RP1: variants seen among roughly 807,000 people sequenced by gnomAD.
RP1 encodes RP1 axonemal microtubule associated.
A neutral mutation model predicts 14.8 loss-of-function variants in RP1; 16 were observed. That is an observed-to-expected ratio of 1.08 (90% CI 0.73 to 1.65). RP1 has a LOEUF of 1.65. RP1 is among the 40% of genes most tolerant of loss of function. The pLI is 0.00. For synonymous variants in RP1, 876 were observed against 883.6 expected (o/e 0.99, Z 0.15); for missense variants, 2,631 against 2,535.0 (o/e 1.04, Z -0.81).
At chr8:54,568,865 A>G (rs1281380556) in intron 1 of RP1, among the ~76,000 whole-genome samples, 3 of 152,236 alleles carry the variant, frequency 2.0e-5, no homozygotes, top group Non-Finnish European at 4.4e-5. Context: ...GGCATTATAA[A>G]TGGTTCCACC....
At chr8:54,663,807 A>G in exon 7 of RP1, 1 of 1,533,766 alleles carries the variant, frequency 6.5e-7, no homozygotes, top group Non-Finnish European at 8.7e-7. Flanking sequence ...GGATCCAGAC[A>G]ACTATTTAGA....
chr8:54,869,627 C>T (rs1237640613), intron 28 of RP1, among the ~76,000 whole-genome samples: 2 of 152,116 alleles, frequency 1.3e-5, no homozygotes, highest in Admixed American at 1.3e-4. Flanking sequence ...TAGAGTGAAC[C>T]AATATGACTT....
rs189145468 is a variant in RP1, at chr8:54,624,794, G to T, written c.912G>T (p.Lys304Asn). Residue 304 changes from lysine to asparagine, a missense_variant, in exon 4 of 4, where the codon AAG becomes AAT. By Grantham distance (94) the Lys-to-Asn change is moderately conservative. Coordinates refer to ENST00000220676, the MANE Select transcript of RP1 (RefSeq NM_006269.2). ...FVPEKYLALE[K>N]NDSQNLPIYP... ...CTGAAAAGTACTTGGCCTTAGAAAA[G>T]AATGATTCTCAGAATTTACCAATAT... is the stretch of plus-strand genomic sequence containing the variant. The T allele has an allele frequency of 4.8e-5, 77 of 1,613,986 alleles. No individual in the cohort carries two copies. The African/African-American group carries it at 8.8e-4, about 18-fold the overall frequency.
chr8:54,711,879 G>T (rs1476916861), intron 15 of RP1, among the ~76,000 whole-genome samples: 1 of 152,046 alleles, frequency 6.6e-6, no homozygotes, highest in African/African-American at 2.4e-5. Context: ...AATAAGTTCT[G>T]TGTAGCTCAG....
chr8:54,735,043 T>A (rs147209825), intron 18 of RP1, among the ~76,000 whole-genome samples: 10 of 152,324 alleles, frequency 6.6e-5, no homozygotes, highest in African/African-American at 2.2e-4. Context: ...TATAACCGGC[T>A]TATAAGCTGT....
chr8:54,643,314 A>G (rs1806486472), intron 3 of RP1, among the ~76,000 whole-genome samples: 1 of 152,216 alleles, frequency 6.6e-6, no homozygotes, highest in Non-Finnish European at 1.5e-5. Context: ...ATCAAGATAC[A>G]GAACAATTCT....
intron 24 of RP1, among the ~76,000 whole-genome samples, chr8:54,810,305 AG>A (rs749765036): frequency 4.4e-4 from 67 of 152,344 alleles, no homozygotes; most frequent in Non-Finnish European, 8.2e-4. Context: ...GATTTTAGAA[AG>A]GGTATTTCTG....
chr8:54,678,576 TG>T, intron 9 of RP1: 1 of 1,495,160 alleles, frequency 6.7e-7, no homozygotes, highest in Non-Finnish European at 9.0e-7. Flanking sequence ...ATCCATTTCA[TG>T]TTAGTTCCAA....
At chr8:54,587,729 C>T (rs1354669606) in intron 1 of RP1, among the ~76,000 whole-genome samples, 2 of 152,082 alleles carry the variant, frequency 1.3e-5, no homozygotes, top group African/African-American at 4.8e-5. Context: ...CGGGACAAAC[C>T]CTTGAGAATG....
intron 16 of RP1, among the ~76,000 whole-genome samples, chr8:54,721,619 A>G (rs1336787147): frequency 6.6e-6 from 1 of 152,244 alleles, no homozygotes; most frequent in Non-Finnish European, 1.5e-5. Context: ...TTAGTACTAA[A>G]AGAACCAATA....
At chr8:54,616,856 C>T (rs1257552024) in intron 1 of RP1, among the ~76,000 whole-genome samples, 2 of 152,184 alleles carry the variant, frequency 1.3e-5, no homozygotes, top group African/African-American at 4.8e-5. Flanking sequence ...GAAGACACAG[C>T]CCTCTTGGTA....
At chr8:54,761,275 C>T (rs1301406021) in intron 22 of RP1, among the ~76,000 whole-genome samples, 2 of 130,408 alleles carry the variant, frequency 1.5e-5, no homozygotes, top group African/African-American at 5.7e-5. Flanking sequence ...CTTGCTCTGT[C>T]ACACAGGCTG....
At chr8:54,589,018 GGT>G (rs145795002) in intron 1 of RP1, among the ~76,000 whole-genome samples, 1 of 151,552 alleles carries the variant, frequency 6.6e-6, no homozygotes. Context: ...TTCACTTCCA[GGT>G]GTGTGTGTGT....
At chr8:54,866,675 AC>A (rs1812466465) in intron 28 of RP1, among the ~76,000 whole-genome samples, 1 of 152,190 alleles carries the variant, frequency 6.6e-6, no homozygotes, top group Non-Finnish European at 1.5e-5. Flanking sequence ...TTGACCACCC[AC>A]CATATCAAGA....
exon 19 of RP1, chr8:54,738,943 G>T: frequency 6.8e-7 from 1 of 1,466,434 alleles, no homozygotes; most frequent in Non-Finnish European, 9.0e-7. Context: ...TTTCATTCAG[G>T]TTGAAATAAG....
intron 6 of RP1, among the ~76,000 whole-genome samples, chr8:54,659,827 CAATATT>C (rs1167053107): frequency 6.6e-6 from 1 of 152,110 alleles, no homozygotes; most frequent in Non-Finnish European, 1.5e-5. Context: ...GACATTTTAA[CAATATT>C]AAGTCTTCTA....
chr8:54,781,025 A>G (rs1263594998), intron 23 of RP1: 1 of 984,020 alleles, frequency 1.0e-6, no homozygotes, highest in African/African-American at 1.7e-5. Flanking sequence ...GTATATCCAA[A>G]CTACTTTAAA....
rs767656344 is a variant in RP1, at chr8:54,628,834, C to T, written c.4952C>T (p.Thr1651Ile). 6.2e-6 allele frequency: 10 copies of T among 1,614,026 alleles called. No homozygotes were observed. The East Asian group carries it at 1.6e-4, about 25-fold the overall frequency. The change falls in exon 4 of 4, where the codon ACC (threonine) becomes ATC (isoleucine). Residue 1651 changes from threonine (T) to isoleucine (I), a missense_variant. Physicochemically the swap from Thr to Ile is moderately conservative, Grantham distance 89. Coordinates refer to ENST00000220676, the MANE Select transcript of RP1 (RefSeq NM_006269.2). ...IIKPSFFPGS[T>I]RKSQVCPYNS... ...AAACCATCTTTTTTTCCTGGGTCTA[C>T]CCGCAAATCTCAGGTTTGTCCTTAT...
intron 24 of RP1, among the ~76,000 whole-genome samples, chr8:54,815,414 G>A (rs1420938543): frequency 6.6e-6 from 1 of 152,150 alleles, no homozygotes; most frequent in African/African-American, 2.4e-5. Flanking sequence ...CTTAATATTT[G>A]CATCAACTCA....
Sources: allele counts gnomAD v4.1 joint callset (sites outside exome capture counted in the v4.1 genomes callset), GRCh38; gene constraint gnomAD v4.1.1; transcripts MANE v1.5; gene names NCBI Gene and HGNC (gene_info 2026-07-23, HGNC 2026-07-21).